The following ADAMTS12 variants were observed in gnomAD, a reference collection of about 807,000 sequenced individuals.
ADAMTS12 encodes the protein A disintegrin and metalloproteinase with thrombospondin motifs 12.
A neutral mutation model predicts 167.8 loss-of-function variants in ADAMTS12; 118 were observed. That is an observed-to-expected ratio of 0.70 (90% CI 0.61 to 0.82). The LOEUF (loss-of-function observed/expected upper bound fraction) is 0.82. ADAMTS12 is among the 40% of genes least tolerant of loss of function. The pLI is 0.00. For synonymous variants in ADAMTS12, 704 were observed against 716.9 expected, an observed-to-expected ratio of 0.98 and a Z score of 0.29; for missense variants, 1,916 against 1,998.8, an observed-to-expected ratio of 0.96 and a Z score of 0.79.
At chr5:33,718,753 A>C (rs970034734) in intron 3 of ADAMTS12, among the ~76,000 whole-genome samples, 2 of 152,186 alleles carry the variant, frequency 1.3e-5, no homozygotes, top group African/African-American at 4.8e-5. Context: ...TACTTGATTC[A>C]GGATCCTTTA....
At chr5:33,649,519 C>T (rs1435757182) in intron 8 of ADAMTS12, 35 bp downstream of exon 8, 4 of 1,606,028 alleles carry the variant, frequency 2.5e-6, no homozygotes, top group Non-Finnish European at 2.6e-6. Context: ...TTTAAAGAGA[C>T]CCAGGTGAGG....
intron 2 of ADAMTS12, among the ~76,000 whole-genome samples, chr5:33,767,401 ATT>A (rs1452269177): frequency 3.3e-5 from 5 of 152,284 alleles, no homozygotes; most frequent in Admixed American, 3.3e-4. Flanking sequence ...TCTTTGTATA[ATT>A]AGATTACAAT....
At chr5:33,622,591 T>C (rs1426664236) in intron 14 of ADAMTS12, among the ~76,000 whole-genome samples, 1 of 152,184 alleles carries the variant, frequency 6.6e-6, no homozygotes, top group African/African-American at 2.4e-5. Flanking sequence ...CAGCAGAGGT[T>C]GCAGTGAGCT....
intron 19 of ADAMTS12, among the ~76,000 whole-genome samples, chr5:33,575,696 G>C (rs1364177329): frequency 6.6e-6 from 1 of 152,098 alleles, no homozygotes; most frequent in African/African-American, 2.4e-5. Context: ...GTTTCTTAAG[G>C]ATGGGGACTG....
Position 33,782,142 on chromosome 5 carries a change from T to C in ADAMTS12, c.490-30594A>G, listed in dbSNP as rs147422337. On this transcript the variant is annotated intron_variant, in intron 2 of 23. Coordinates refer to ENST00000504830, the MANE Select transcript of ADAMTS12 (RefSeq NM_030955.4). ...ATTTTTTTAAAAAGCCATAAGTATA[T>C]ATAAAGCAATAATGCCAACAGTGTA... Among the ~76,000 whole-genome samples, 776 of 152,174 alleles carry C rather than the reference T, an allele frequency of 5.1e-3. 11 individuals are homozygous for C. The highest frequency in any genetic ancestry group is 0.018 in the African/African-American group (747 of 41,522).
At chr5:33,884,122 G>T (rs1561328026) in intron 1 of ADAMTS12, among the ~76,000 whole-genome samples, 1 of 152,182 alleles carries the variant, frequency 6.6e-6, no homozygotes, top group African/African-American at 2.4e-5. Context: ...CATGCTGACT[G>T]GCGCCTTCTA....
chr5:33,539,372 G>A (rs1744572604), intron 22 of ADAMTS12, among the ~76,000 whole-genome samples: 1 of 152,084 alleles, frequency 6.6e-6, no homozygotes, highest in Non-Finnish European at 1.5e-5. Context: ...TGGCCATCTG[G>A]CAAACTGATC....
chr5:33,627,086 A>AGTGGTGGTGGTGGTGATGATGGTT (rs1561179070), intron 13 of ADAMTS12, among the ~76,000 whole-genome samples: 3 of 105,280 alleles, frequency 2.8e-5, no homozygotes, highest in East Asian at 3.3e-4. Context: ...TGGTGGTGGT[A>AGTGGTGGTGGTGGTGATGATGGTT]GTGGTGGTGG....
At chr5:33,737,937 A>G (rs1210935626) in intron 3 of ADAMTS12, among the ~76,000 whole-genome samples, 1 of 152,210 alleles carries the variant, frequency 6.6e-6, no homozygotes, top group Admixed American at 6.5e-5. Context: ...AATAGAAACA[A>G]GAAGTAACAG....
intron 3 of ADAMTS12, among the ~76,000 whole-genome samples, chr5:33,731,416 G>C (rs1224040142): frequency 2.6e-5 from 4 of 152,122 alleles, no homozygotes; most frequent in Non-Finnish European, 4.4e-5. Context: ...AGCACAGGAG[G>C]CTCTCCTGCT....
intron 2 of ADAMTS12, among the ~76,000 whole-genome samples, chr5:33,875,102 G>A (rs894625961): frequency 3.9e-5 from 6 of 152,154 alleles, no homozygotes; most frequent in East Asian, 3.8e-4. Context: ...GCTACATATT[G>A]TATGCTTTAC....
chr5:33,664,468 A>C (rs559763126), intron 5 of ADAMTS12, among the ~76,000 whole-genome samples: 1 of 152,304 alleles, frequency 6.6e-6, no homozygotes, highest in East Asian at 1.9e-4. Context: ...AAAACAAATA[A>C]TCCAATTGAA....
chr5:33,672,885 C>CAGT (rs1292551900), intron 5 of ADAMTS12, among the ~76,000 whole-genome samples: 7 of 152,160 alleles, frequency 4.6e-5, no homozygotes, highest in African/African-American at 1.7e-4. Context: ...CAGTGAGGGA[C>CAGT]AGTATCTTAG....
rs769420496 is a variant in ADAMTS12 at position 33,649,660 on chromosome 5, C to T, written c.1228G>A (p.Glu410Lys). 6.2e-7 allele frequency: 1 copy of T among 1,613,978 alleles called. No individual in the cohort carries two copies. The highest frequency in any genetic ancestry group is 1.3e-5 in the African/African-American group (1 of 75,044). ...IQHDGKENDC[E>K]PVGRHPYIMS... ...ATGTACGGATGTCTGCCCACAGGCT[C>T]ACAGTCATTTTCTTTCCCATCATGC... Residue 410 changes from glutamate (E) to lysine (K), a missense_variant, in exon 8 of 24, where the codon GAG (glutamate) becomes AAG (lysine). Physicochemically the swap from Glu to Lys is moderately conservative, Grantham distance 56. Coordinates refer to ENST00000504830, the MANE Select transcript of ADAMTS12 (RefSeq NM_030955.4).
intron 2 of ADAMTS12, among the ~76,000 whole-genome samples, chr5:33,853,913 G>C (rs1056409265): frequency 6.6e-6 from 1 of 152,168 alleles, no homozygotes; most frequent in African/African-American, 2.4e-5. Context: ...TCCCTGGGCT[G>C]CAAGGATCCA....
rs754826756 is a variant in ADAMTS12, at chr5:33,641,812, G to C, written c.1716C>G (p.Pro572=). Residue 572 remains proline, a splice_region_variant and synonymous_variant, in exon 11 of 24, where the codon CCC becomes CCG. Transcript: ENST00000504830. ...GAAATATATTTATCTGGACTCACTC[G>C]GGGTTGTTGCAGAGCCTCTCTGCGC... ...VQSAERLCNN[P]EPKFGGKYCT... The C allele has an allele frequency of 6.8e-6, 11 of 1,607,148 alleles. No individual in the cohort carries two copies. Among genetic ancestry groups the C allele is most frequent in the Non-Finnish European group, 8.5e-6 (10 of 1,175,310 alleles).
intron 2 of ADAMTS12, among the ~76,000 whole-genome samples, chr5:33,802,110 G>A (rs1401221177): frequency 6.6e-6 from 1 of 152,204 alleles, no homozygotes; most frequent in Non-Finnish European, 1.5e-5. Flanking sequence ...GAATTGGGAA[G>A]TGGGCCTTCA....
At chr5:33,595,164 T>TC (rs1747856620) in intron 17 of ADAMTS12, among the ~76,000 whole-genome samples, 2 of 152,064 alleles carry the variant, frequency 1.3e-5, no homozygotes, top group South Asian at 4.2e-4. Context: ...TTCTTTTTTT[T>TC]CTCTCTCTTT....
chr5:33,545,571 T>G (rs1351503157), intron 22 of ADAMTS12, among the ~76,000 whole-genome samples: 1 of 152,236 alleles, frequency 6.6e-6, no homozygotes, highest in Non-Finnish European at 1.5e-5. Context: ...TGTATGTTTA[T>G]TGTGGCACTA....
Sources: gnomAD v4.1 joint callset for allele counts (sites outside exome capture counted in the v4.1 genomes callset) on GRCh38, gnomAD v4.1.1 for gene constraint, MANE v1.5 for transcripts, NCBI Gene and HGNC (gene_info 2026-07-23, HGNC 2026-07-21) for gene names.